FBXO25: variants seen among roughly 807,000 people sequenced by gnomAD.
The protein encoded by FBXO25 is F-box protein 25, also known as F-box only protein 25.
FBXO25 carries 45 observed loss-of-function variants against 51.9 expected under a neutral mutation model. The ratio of observed to expected loss-of-function variants is 0.87; its 90% CI spans 0.68 to 1.11. FBXO25 has a LOEUF of 1.11. FBXO25 is among the 50% of genes most tolerant of loss of function. The pLI is 0.00. For synonymous variants in FBXO25, 199 were observed against 151.0 expected, an observed-to-expected ratio of 1.32 and a Z score of -2.33; for missense variants, 507 against 428.5, an observed-to-expected ratio of 1.18 and a Z score of -1.62.
intron 2 of FBXO25, among the ~76,000 whole-genome samples, chr8:415,806 C>G (rs1796762379): frequency 6.6e-6 from 1 of 152,116 alleles, no homozygotes; most frequent in South Asian, 2.1e-4. Context: ...TGTATGATTC[C>G]TATAAAGGAA....
chr8:462,992 G>A lies in FBXO25; in HGVS notation c.844-15G>A. ...TCATCTTATGCGGATTCTGAATGGA[G>A]TTTTGTTTGTTTAGTTTTGTAGACA... On this transcript the variant is annotated splice_polypyrimidine_tract_variant and intron_variant, in intron 8 of 9. Transcript: ENST00000350302. 1 of 1,597,728 alleles carries A rather than the reference G, an allele frequency of 6.3e-7. No homozygotes were observed. The highest frequency in any genetic ancestry group is 8.5e-7 in the Non-Finnish European group (1 of 1,174,282).
rs1470553637 is a variant in FBXO25 at position 469,625 on chromosome 8, C to G, written c.*821C>G. ...CTGAGAAATGTTAGTGATTTTGATA[C>G]TTAAATCCTTAAAAGATTGCTTCGT... On this transcript the variant is annotated 3_prime_UTR_variant, in exon 10 of 10. Coordinates refer to ENST00000350302, the MANE Select transcript of FBXO25 (RefSeq NM_183420.2). 1 of 152,180 alleles carries G rather than the reference C, an allele frequency of 6.6e-6. No homozygotes were observed. Among genetic ancestry groups the G allele is most frequent in the Non-Finnish European group, 1.5e-5 (1 of 68,028 alleles). 9.4% of individuals were successfully genotyped at this position (152,180 alleles called of 1,614,324 possible).
intron 2 of FBXO25, among the ~76,000 whole-genome samples, chr8:423,439 C>T (rs1027041490): frequency 6.6e-6 from 1 of 151,950 alleles, no homozygotes; most frequent in Non-Finnish European, 1.5e-5. Flanking sequence ...TTTTAACCCA[C>T]CCCCACTCCC....
At chr8:444,930 T>C (rs1420387066) in intron 5 of FBXO25, among the ~76,000 whole-genome samples, 4 of 152,216 alleles carry the variant, frequency 2.6e-5, no homozygotes, top group Non-Finnish European at 4.4e-5. Flanking sequence ...TCGGATCAGA[T>C]TGTATCCCCC....
In FBXO25 at chr8:452,267, A is replaced by T. The variant is rs147993281; in HGVS notation, c.660+814A>T. Among the ~76,000 whole-genome samples the T allele has an allele frequency of 8.2e-4, 125 of 152,350 alleles. No homozygotes were observed. In the East Asian group the frequency reaches 0.022, roughly 27 times the overall value. ...ATTGCCTAGTTATGAGTCTGAAATT[A>T]TCCTTAATAATGTAACATTCAGCGT... is the stretch of plus-strand genomic sequence containing the variant. On this transcript the variant is annotated intron_variant, in intron 7 of 9. Coordinates refer to ENST00000350302, the MANE Select transcript of FBXO25 (RefSeq NM_183420.2).
In FBXO25 at chr8:473,676, G is replaced by A. The variant is rs988825253; in HGVS notation, c.*4872G>A. 2.0e-5 allele frequency: 3 copies of A among 152,160 alleles called. No individual in the cohort carries two copies. Among genetic ancestry groups the A allele is most frequent in the African/African-American group, 7.2e-5 (3 of 41,416 alleles). 9.4% of individuals were successfully genotyped at this position (152,160 alleles called of 1,614,324 possible). On this transcript the variant is annotated 3_prime_UTR_variant, in exon 10 of 10. Transcript: ENST00000350302. ...CACTGCTGGTGCCACAGGGGTCCTGGGCTGGCTCTTGGACCATAACCAGCG... is the reference window on the plus strand; with the variant it reads ...CACTGCTGGTGCCACAGGGGTCCTGAGCTGGCTCTTGGACCATAACCAGCG...
intron 8 of FBXO25, among the ~76,000 whole-genome samples, chr8:459,119 C>T (rs1008235624): frequency 4.6e-5 from 7 of 152,222 alleles, no homozygotes; most frequent in African/African-American, 1.7e-4. Flanking sequence ...GGTCCCTGTT[C>T]CTGGGCCTCT....
intron 1 of FBXO25, among the ~76,000 whole-genome samples, chr8:410,113 C>T (rs1317644361): frequency 2.0e-5 from 3 of 152,286 alleles, no homozygotes; most frequent in African/African-American, 7.2e-5. Context: ...CTAGTCAGAG[C>T]TTTCCCAGCT....
At chr8:438,200 A>G (rs769819786) in intron 5 of FBXO25, among the ~76,000 whole-genome samples, 33 of 151,938 alleles carry the variant, frequency 2.2e-4, no homozygotes, top group Non-Finnish European at 2.9e-5. Flanking sequence ...GATTACAGGC[A>G]TGCACCACGA....
At position 473,580 on chromosome 8, in the gene FBXO25, G is replaced by A. The variant is rs1015318957; in HGVS notation, c.*4776G>A. On this transcript the variant is annotated 3_prime_UTR_variant, in exon 10 of 10. Transcript: ENST00000350302. Reference sequence around the variant, plus strand: ...GGTCCTCTTCCTTCCAATCCTCACTGGCTCAAATCCACAGAGTGACAAAGA... The same window carrying A: ...GGTCCTCTTCCTTCCAATCCTCACTAGCTCAAATCCACAGAGTGACAAAGA... The A allele has an allele frequency of 1.3e-5, 2 of 152,190 alleles. No homozygotes were observed. The highest frequency in any genetic ancestry group is 4.8e-5 in the African/African-American group (2 of 41,420). 9.4% of individuals were successfully genotyped at this position (152,190 alleles called of 1,614,324 possible). A position where few individuals can be genotyped will look rare whatever the true frequency, so the allele number is the denominator to read the frequency against.
At chr8:416,641 C>T (rs556937107) in intron 2 of FBXO25, among the ~76,000 whole-genome samples, 8 of 152,248 alleles carry the variant, frequency 5.3e-5, no homozygotes, top group Admixed American at 1.3e-4. Context: ...TGGAATGGGC[C>T]GGAGTCCTAC....
intron 7 of FBXO25, among the ~76,000 whole-genome samples, chr8:457,384 G>C (rs556446563): frequency 7.2e-5 from 11 of 152,332 alleles, no homozygotes; most frequent in African/African-American, 2.6e-4. Flanking sequence ...AACTGATTCA[G>C]CCCACTTCTT....
intron 5 of FBXO25, among the ~76,000 whole-genome samples, chr8:447,300 C>T (rs1798799601): frequency 6.6e-6 from 1 of 152,028 alleles, no homozygotes; most frequent in Admixed American, 6.5e-5. Context: ...ACTGGGAAGG[C>T]TGGAAGCTGC....
chr8:417,117 G>C (rs1050343791), intron 2 of FBXO25, among the ~76,000 whole-genome samples: 2 of 152,212 alleles, frequency 1.3e-5, no homozygotes, highest in African/African-American at 4.8e-5. Flanking sequence ...TTCCAGCATG[G>C]GTAAGGGGAG....
At chr8:447,517 C>T (rs1364471907) in intron 5 of FBXO25, among the ~76,000 whole-genome samples, 2 of 152,006 alleles carry the variant, frequency 1.3e-5, no homozygotes, top group African/African-American at 4.8e-5. Context: ...GCAGGAGATC[C>T]CAGTGCAGGA....
At chr8:463,398 C>T (rs1799944650) in intron 9 of FBXO25, among the ~76,000 whole-genome samples, 1 of 152,190 alleles carries the variant, frequency 6.6e-6, no homozygotes, top group South Asian at 2.1e-4. Context: ...GAGGGCGTTG[C>T]AGGCGGATTG....
intron 9 of FBXO25, among the ~76,000 whole-genome samples, chr8:465,091 A>G (rs992139238): frequency 6.6e-6 from 1 of 152,130 alleles, no homozygotes; most frequent in East Asian, 1.9e-4. Context: ...AGTTGTCTGC[A>G]GTAGAAGCCA....
At chr8:448,927 C>T (rs549639115) in intron 5 of FBXO25, among the ~76,000 whole-genome samples, 2 of 152,230 alleles carry the variant, frequency 1.3e-5, no homozygotes, top group African/African-American at 4.8e-5. Flanking sequence ...ACCCCTAGTA[C>T]AAAATAGTGC....
rs1800476623 is a variant in FBXO25 at position 471,327 on chromosome 8, C to T, written c.*2523C>T. 2 of 152,148 alleles carry T rather than the reference C, an allele frequency of 1.3e-5. No individual in the cohort carries two copies. The highest frequency in any genetic ancestry group is 6.5e-5 in the Admixed American group (1 of 15,270). The allele number at this position is 152,148 out of a possible 1,614,324, so 9.4% of individuals were successfully genotyped here. On this transcript the variant is annotated 3_prime_UTR_variant, in exon 10 of 10. Transcript: ENST00000350302. ...GGACAGAATAAAGACAATTTTGAGG[C>T]ACTGATCAGTTATTTACAGAAGATC...
Sources: gnomAD v4.1 joint callset for allele counts (sites outside exome capture counted in the v4.1 genomes callset) on GRCh38, gnomAD v4.1.1 for gene constraint, MANE v1.5 for transcripts, NCBI Gene and HGNC (gene_info 2026-07-23, HGNC 2026-07-21) for gene names.